The following TRPC4 variants were observed in gnomAD, a reference collection of about 807,000 sequenced individuals.
The protein encoded by TRPC4 is short transient receptor potential channel 4.
Under a neutral mutation model 99.4 loss-of-function variants are expected in TRPC4, and 49 were observed. The observed-to-expected ratio is 0.49, with a 90% CI of 0.39 to 0.63. The LOEUF (loss-of-function observed/expected upper bound fraction) is 0.63, where lower values mean the gene tolerates loss of function less well. Among genes scored for constraint, TRPC4 ranks in the 20% least tolerant of loss-of-function variants. The pLI, the probability that TRPC4 is intolerant of heterozygous loss-of-function variation, is 0.00. For missense variants in TRPC4, 898 were observed against 1,152.9 expected, an observed-to-expected ratio of 0.78 and a Z score of 3.20; for synonymous variants, 454 against 425.9, an observed-to-expected ratio of 1.07 and a Z score of -0.81.
At chr13:37,702,096 G>A (rs1010621700) in intron 3 of TRPC4, among the ~76,000 whole-genome samples, 2 of 152,102 alleles carry the variant, frequency 1.3e-5, no homozygotes, top group Admixed American at 1.3e-4. Flanking sequence ...GCATTCCTTG[G>A]CCTGACAGCT....
At chr13:37,733,522 A>G (rs1410324673) in intron 3 of TRPC4, among the ~76,000 whole-genome samples, 1 of 152,184 alleles carries the variant, frequency 6.6e-6, no homozygotes, top group African/African-American at 2.4e-5. Context: ...ACCAGACTTA[A>G]AGAGAAAGAC....
intron 1 of TRPC4, among the ~76,000 whole-genome samples, chr13:37,836,878 A>G (rs1958580531): frequency 6.6e-6 from 1 of 152,168 alleles, no homozygotes; most frequent in South Asian, 2.1e-4. Flanking sequence ...CCCTCCCATC[A>G]CAGGCCCAGA....
intron 2 of TRPC4, among the ~76,000 whole-genome samples, chr13:37,781,268 T>A (rs4943535): frequency 0.52 from 79,003 of 151,886 alleles, 21,084 homozygotes; most frequent in East Asian, 0.78. Context: ...CATTCTATAG[T>A]CTTGCTGCAA....
Position 37,759,409 on chromosome 13 carries a change from A to G in TRPC4, c.379-12954T>C, listed in dbSNP as rs568929309. Among the ~76,000 whole-genome samples the G allele has an allele frequency of 1.2e-4, 18 of 152,036 alleles. No homozygotes were observed. The South Asian group carries it at 2.9e-3, about 24-fold the overall frequency. ...GAAAAACCACATATTTTGTTATACAATTCTTGAGTGGAATGGCCAAGGATA... is the reference window on the plus strand; with the variant it reads ...GAAAAACCACATATTTTGTTATACAGTTCTTGAGTGGAATGGCCAAGGATA... On this transcript the variant is annotated intron_variant, in intron 2 of 10. Coordinates refer to ENST00000379705, the MANE Select transcript of TRPC4 (RefSeq NM_016179.4).
At chr13:37,710,498 T>C (rs1418980233) in intron 3 of TRPC4, among the ~76,000 whole-genome samples, 1 of 151,912 alleles carries the variant, frequency 6.6e-6, no homozygotes, top group African/African-American at 2.4e-5. Flanking sequence ...CTTCATGAGA[T>C]TATCTCATTC....
chr13:37,722,500 T>C (rs1192675013), intron 3 of TRPC4, among the ~76,000 whole-genome samples: 1 of 152,124 alleles, frequency 6.6e-6, no homozygotes, highest in African/African-American at 2.4e-5. Context: ...ATCCAAACAG[T>C]TGTTGAATGG....
intron 2 of TRPC4, among the ~76,000 whole-genome samples, chr13:37,777,350 C>T (rs1456577786): frequency 3.3e-5 from 5 of 151,862 alleles, no homozygotes; most frequent in Admixed American, 3.3e-4. Context: ...AGCATGTCTT[C>T]ACACGGCAGC....
At chr13:37,668,244 C>G (rs908237808) in intron 5 of TRPC4, among the ~76,000 whole-genome samples, 6 of 152,144 alleles carry the variant, frequency 3.9e-5, no homozygotes, top group Admixed American at 2.0e-4. Flanking sequence ...GGTTTTTCCC[C>G]AAGCCTTTAT....
At position 37,634,943 on chromosome 13, in the gene TRPC4, C is replaced by G. The variant is rs544399964; in HGVS notation, c.*1960G>C. On this transcript the variant is annotated 3_prime_UTR_variant, in exon 11 of 11. Transcript: ENST00000379705. ...TGGCCCATTCCTAAATTCCCAAAAA[C>G]CAGGTTTAGGAGTGAACAGGGGCTT... Among the ~76,000 whole-genome samples, 2 of 152,072 alleles carry G rather than the reference C, an allele frequency of 1.3e-5. No individual in the cohort carries two copies. Among genetic ancestry groups the G allele is most frequent in the East Asian group, 3.9e-4 (2 of 5,166 alleles).
chr13:37,841,303 A>G (rs1488632567), intron 1 of TRPC4, among the ~76,000 whole-genome samples: 1 of 152,114 alleles, frequency 6.6e-6, no homozygotes, highest in African/African-American at 2.4e-5. Context: ...CAATTAATGA[A>G]GCAAAAACCT....
At chr13:37,715,567 C>T (rs1435383666) in intron 3 of TRPC4, among the ~76,000 whole-genome samples, 9 of 152,130 alleles carry the variant, frequency 5.9e-5, no homozygotes, top group Non-Finnish European at 8.8e-5. Flanking sequence ...CCTGCCGTCC[C>T]ATCCCAATGC....
chr13:37,806,660 G>T (rs1957536362), intron 1 of TRPC4, among the ~76,000 whole-genome samples: 2 of 152,180 alleles, frequency 1.3e-5, no homozygotes, highest in South Asian at 2.1e-4. Flanking sequence ...AAGACCTCAA[G>T]TTGGGGCATG....
rs914015895 is a variant in TRPC4, at chr13:37,696,915, T to C, written c.898-4580A>G. On this transcript the variant is annotated intron_variant, in intron 3 of 10. Transcript: ENST00000379705. ...ATTAACTTTTTCCATAGCTGAAACATCTTTTTTTTTTTTTTTTTAAATCTT... is the reference window on the plus strand; with the variant it reads ...ATTAACTTTTTCCATAGCTGAAACACCTTTTTTTTTTTTTTTTTAAATCTT... 1.6e-4 allele frequency among the ~76,000 whole-genome samples: 19 copies of C among 117,298 alleles called. No individual in the cohort carries two copies. The South Asian group carries it at 5.1e-3, about 31-fold the overall frequency. 77.0% of individuals were successfully genotyped at this position (117,298 alleles called of 152,430 possible).
At chr13:37,648,306 C>T (rs893536139) in intron 8 of TRPC4, among the ~76,000 whole-genome samples, 2 of 151,884 alleles carry the variant, frequency 1.3e-5, no homozygotes, top group African/African-American at 4.8e-5. Context: ...TTCATATAAA[C>T]AAAAAATGTA....
chr13:37,682,110 C>G (rs896973194), intron 4 of TRPC4, among the ~76,000 whole-genome samples: 1 of 152,194 alleles, frequency 6.6e-6, no homozygotes, highest in Non-Finnish European at 1.5e-5. Context: ...AATAGATCTC[C>G]TGTCATTCCC....
intron 1 of TRPC4, among the ~76,000 whole-genome samples, chr13:37,826,518 C>G (rs1958218362): frequency 6.7e-6 from 1 of 149,772 alleles, no homozygotes; most frequent in Admixed American, 6.7e-5. Context: ...GATTTTATTT[C>G]TCCTTCACTT....
At chr13:37,801,575 A>G (rs1192489082) in intron 1 of TRPC4, among the ~76,000 whole-genome samples, 1 of 152,140 alleles carries the variant, frequency 6.6e-6, no homozygotes, top group East Asian at 1.9e-4. Flanking sequence ...CCAAATACTT[A>G]AAACAGAATA....
intron 8 of TRPC4, among the ~76,000 whole-genome samples, chr13:37,639,757 A>G (rs887559263): frequency 2.6e-5 from 4 of 151,138 alleles, no homozygotes; most frequent in African/African-American, 9.7e-5. Context: ...ATATATATAT[A>G]TATAATATCA....
chr13:37,852,054 G>T (rs1301603249), intron 1 of TRPC4, among the ~76,000 whole-genome samples: 1 of 152,158 alleles, frequency 6.6e-6, no homozygotes, highest in Non-Finnish European at 1.5e-5. Context: ...AATGTGAAAG[G>T]CAGTCTAGAA....
Sources: gnomAD v4.1 joint callset for allele counts (sites outside exome capture counted in the v4.1 genomes callset) on GRCh38, gnomAD v4.1.1 for gene constraint, MANE v1.5 for transcripts, NCBI Gene and HGNC (gene_info 2026-07-23, HGNC 2026-07-21) for gene names.